The following ZNF562 variants were observed in gnomAD, a reference collection of about 807,000 sequenced individuals.
ZNF562 encodes zinc finger protein 562.
In ZNF562, 13 loss-of-function variants were observed where a neutral mutation model predicts 17.5. The ratio of observed to expected loss-of-function variants is 0.74; its 90% CI spans 0.48 to 1.18. The LOEUF (loss-of-function observed/expected upper bound fraction) is 1.18. ZNF562 is among the 50% of genes most tolerant of loss of function. ZNF562 has a pLI of 0.00. For missense variants in ZNF562, 481 were observed against 498.5 expected, an observed-to-expected ratio of 0.96 and a Z score of 0.33; for synonymous variants, 163 against 165.4, an observed-to-expected ratio of 0.99 and a Z score of 0.11.
At position 9,653,614 on chromosome 19, in the gene ZNF562, A is replaced by G. The variant is rs2074913307; in HGVS notation, c.616T>C (p.Cys206Arg). The change falls in exon 6 of 6, where the codon TGT becomes CGT. Residue 206 changes from cysteine (C) to arginine (R), a missense_variant. By Grantham distance (180) the Cys-to-Arg change is radical (BLOSUM62 -3). Coordinates refer to ENST00000453372, the MANE Select transcript of ZNF562 (RefSeq NM_001130031.2). ...TTAAAGCCTTTTCCACATTCCTTACATTTGTAGGGTTGTCTTCCATTGAGA... is the reference window on the plus strand; with the variant it reads ...TTAAAGCCTTTTCCACATTCCTTACGTTTGTAGGGTTGTCTTCCATTGAGA... ...EILNGRQPYKCKECGKGFKYF... is the reference protein window; with the variant it reads ...EILNGRQPYKRKECGKGFKYF... The G allele has an allele frequency of 3.7e-6, 6 of 1,614,088 alleles. No homozygotes were observed. The highest frequency in any genetic ancestry group is 3.4e-6 in the Non-Finnish European group (4 of 1,179,970).
chr19:9,654,414 C>T (rs1456446231), intron 5 of ZNF562, among the ~76,000 whole-genome samples: 1 of 152,104 alleles, frequency 6.6e-6, no homozygotes, highest in Non-Finnish European at 1.5e-5. Context: ...TAGCTAAAAG[C>T]TGTGTAGCTA....
At position 9,652,904 on chromosome 19, in the gene ZNF562, A is replaced by T; in HGVS notation, c.*45T>A. 2.7e-6 allele frequency: 4 copies of T among 1,460,524 alleles called. No individual in the cohort carries two copies. The highest frequency in any genetic ancestry group is 3.6e-6 in the Non-Finnish European group (4 of 1,103,172). The allele number at this position is 1,460,524 out of a possible 1,614,324, so 90.5% of individuals were successfully genotyped here. On this transcript the variant is annotated 3_prime_UTR_variant, in exon 6 of 6. Transcript: ENST00000453372. ...AGGTTTCTCTCTGGTAGGAGTTCAC[A>T]GGTGGGGTGAGGAATACAGAAATTC...
chr19:9,653,669 T>G lies in ZNF562; in HGVS notation c.561A>C (p.Leu187Phe). The G allele has an allele frequency of 1.2e-6, 2 of 1,614,106 alleles. No individual in the cohort carries two copies. The highest frequency in any genetic ancestry group is 1.7e-6 in the Non-Finnish European group (2 of 1,179,956). Residue 187 changes from leucine to phenylalanine, a missense_variant, in exon 6 of 6, where the codon TTA becomes TTC. Physicochemically the swap from Leu to Phe is conservative, Grantham distance 22. Around this residue, in one of 2 missense-constraint regions of ZNF562, gnomAD observed 403 missense variants for 386.4 expected, o/e 1.04. Transcript: ENST00000453372. ...KFNPCGKVFTLTPGLAVHLEI... is the reference protein window; with the variant it reads ...KFNPCGKVFTFTPGLAVHLEI... ...CAAGATGCACAGCAAGGCCTGGAGT[T>G]AAGGTGAAGACTTTTCCACATGGAT... is the stretch of plus-strand genomic sequence containing the variant.
intron 1 of ZNF562, among the ~76,000 whole-genome samples, chr19:9,672,146 A>C (rs901874731): frequency 2.6e-5 from 4 of 152,224 alleles, no homozygotes; most frequent in Non-Finnish European, 5.9e-5. Flanking sequence ...AATAACTGTT[A>C]TAGGCAAAAA....
rs1311757831 is a variant in ZNF562 at position 9,653,152 on chromosome 19, C to A, written c.1078G>T (p.Ala360Ser). 1 of 1,612,732 alleles carries A rather than the reference C, an allele frequency of 6.2e-7. No individual in the cohort carries two copies. The highest frequency in any genetic ancestry group is 2.2e-5 in the East Asian group (1 of 44,866). ...GQAFTQYTGL[A>S]IHIRNHTGEK... ...CCAGTGTGATTTCGTATGTGTATAG[C>A]AAGGCCCGTGTACTGAGTGAAGGCT... The change falls in exon 6 of 6, where the codon GCT (alanine) becomes TCT (serine). Residue 360 changes from alanine to serine, a missense_variant. Coordinates refer to ENST00000453372, the MANE Select transcript of ZNF562 (RefSeq NM_001130031.2).
chr19:9,664,231 G>A (rs1349503748), intron 1 of ZNF562, among the ~76,000 whole-genome samples: 2 of 152,140 alleles, frequency 1.3e-5, no homozygotes, highest in African/African-American at 4.8e-5. Context: ...ACCACACCTG[G>A]CTAATTTTTG....
At position 9,642,779 on chromosome 19, in the gene ZNF562, G is replaced by A. The variant is rs1297008944; in HGVS notation, c.*10170C>T. On this transcript the variant is annotated 3_prime_UTR_variant, in exon 6 of 6. Transcript: ENST00000453372. ...ACAGTGGCTCAACCCTGTCATCCTA[G>A]CATTTTGGGAGGCTGATGCAGAAGG... The A allele has an allele frequency of 6.6e-6, 1 of 151,492 alleles. No homozygotes were observed. Among genetic ancestry groups the A allele is most frequent in the Admixed American group, 6.6e-5 (1 of 15,174 alleles). The allele number at this position is 151,492 out of a possible 1,614,324, so 9.4% of individuals were successfully genotyped here.
At chr19:9,657,885 T>C in intron 4 of ZNF562, 124 bp downstream of exon 4, 2 of 1,295,868 alleles carry the variant, frequency 1.5e-6, no homozygotes, top group South Asian at 3.9e-5. Flanking sequence ...GAGATGAGGT[T>C]TCACAATGTT....
chr19:9,669,656 C>T (rs1439874353), intron 1 of ZNF562, among the ~76,000 whole-genome samples: 3 of 151,134 alleles, frequency 2.0e-5, no homozygotes, highest in South Asian at 2.1e-4. Context: ...CCTGTCTGTA[C>T]ACACATGCAC....
rs148521320 is a variant in ZNF562, at chr19:9,669,754, A to G, written c.-131+5261T>C. On this transcript the variant is annotated intron_variant, in intron 1 of 5. Coordinates refer to ENST00000453372, the MANE Select transcript of ZNF562 (RefSeq NM_001130031.2). ...CGCGCGCACACACACACACACACAC[A>G]CACACACACACACACACACACAACC... Among the ~76,000 whole-genome samples the G allele has an allele frequency of 4.0e-4, 60 of 149,614 alleles. 1 individual carries two copies. In the East Asian group the frequency reaches 5.8e-3, roughly 15 times the overall value.
rs2043375329 is a variant in ZNF562, at chr19:9,654,227, G to A, written c.349-346C>T. 4.6e-5 allele frequency among the ~76,000 whole-genome samples: 7 copies of A among 152,126 alleles called. No homozygotes were observed. The South Asian group carries it at 1.5e-3, about 32-fold the overall frequency. On this transcript the variant is annotated intron_variant, in intron 5 of 5. Coordinates refer to ENST00000453372, the MANE Select transcript of ZNF562 (RefSeq NM_001130031.2). The stretch of plus-strand genomic sequence containing the variant: ...GCTGGTCTCAAACTCCTGAGTTCAG[G>A]TGAACTGCCTGTCTTGGCCTCCCAA...
chr19:9,661,625 C>T (rs752194325), intron 1 of ZNF562, among the ~76,000 whole-genome samples: 1 of 152,122 alleles, frequency 6.6e-6, no homozygotes, highest in Non-Finnish European at 1.5e-5. Context: ...GAAACCCTGT[C>T]TCTACTAAAA....
chr19:9,661,952 A>AG (rs2043762226), intron 1 of ZNF562, among the ~76,000 whole-genome samples: 1 of 152,004 alleles, frequency 6.6e-6, no homozygotes, highest in African/African-American at 2.4e-5. Flanking sequence ...AGTAGAAACA[A>AG]GGTTTCACCA....
Position 9,656,111 on chromosome 19 carries a change from C to T in ZNF562, c.348+436G>A, listed in dbSNP as rs146715665. Among the ~76,000 whole-genome samples the T allele has an allele frequency of 5.1e-4, 77 of 152,240 alleles. 1 individual carries two copies. Among genetic ancestry groups the T allele is most frequent in the African/African-American group, 1.8e-3 (73 of 41,550 alleles). On this transcript the variant is annotated intron_variant, in intron 5 of 5. Coordinates refer to ENST00000453372, the MANE Select transcript of ZNF562 (RefSeq NM_001130031.2). Reference sequence around the variant, plus strand: ...CTCCTGGGCTCAAATGATGATCCCACCTCAGCCTCCTAAGTAGCTGGGATT... The same window carrying T: ...CTCCTGGGCTCAAATGATGATCCCATCTCAGCCTCCTAAGTAGCTGGGATT...
In ZNF562 at chr19:9,653,724, G is replaced by T. The variant is rs1331302253; in HGVS notation, c.506C>A (p.Ala169Asp). The T allele has an allele frequency of 5.0e-6, 8 of 1,614,034 alleles. No individual in the cohort carries two copies. The highest frequency in any genetic ancestry group is 1.7e-5 in the Admixed American group (1 of 60,010). The change falls in exon 6 of 6, where the codon GCC becomes GAC. Residue 169 changes from alanine (A) to aspartate (D), a missense_variant. Ala to Asp is a moderately radical substitution (Grantham distance 126, BLOSUM62 -2). Transcript: ENST00000453372. ...GKDSISVHKE[A>D]SIGQELSKFN... ...TTTGGAAAGTTCTTGTCCAATAGAG[G>T]CTTCCTTGTGCACACTGATGCTGTC...
chr19:9,650,252 T>TG lies in ZNF562; in HGVS notation c.*2696dup, dbSNP rs2074848308. 6.6e-6 allele frequency: 1 copy of TG among 152,036 alleles called. No individual in the cohort carries two copies. The highest frequency in any genetic ancestry group is 2.1e-4 in the South Asian group (1 of 4,822). 9.4% of individuals were successfully genotyped at this position (152,036 alleles called of 1,614,324 possible). ...GAGAGCTTCATCATCATACGAATTT[T>TG]GGGGGTCATTGTTCAGTCCAAAGTA... is the stretch of plus-strand genomic sequence containing the variant. On this transcript the variant is annotated 3_prime_UTR_variant, in exon 6 of 6. Coordinates refer to ENST00000453372, the MANE Select transcript of ZNF562 (RefSeq NM_001130031.2).
chr19:9,652,908 G>C lies in ZNF562; in HGVS notation c.*41C>G. 2.7e-6 allele frequency: 4 copies of C among 1,462,508 alleles called. No individual in the cohort carries two copies. Among genetic ancestry groups the C allele is most frequent in the Non-Finnish European group, 3.6e-6 (4 of 1,104,222 alleles). 90.6% of individuals were successfully genotyped at this position (1,462,508 alleles called of 1,614,324 possible). ...TTCTCTCTGGTAGGAGTTCACAGGT[G>C]GGGTGAGGAATACAGAAATTCTTTC... On this transcript the variant is annotated 3_prime_UTR_variant, in exon 6 of 6. Transcript: ENST00000453372.
intron 1 of ZNF562, among the ~76,000 whole-genome samples, chr19:9,673,690 AC>A (rs1158054547): frequency 6.6e-6 from 1 of 152,210 alleles, no homozygotes; most frequent in Non-Finnish European, 1.5e-5. Context: ...CTTAGTCTAC[AC>A]GCGTTCATAT....
At chr19:9,669,719 C>T (rs771162309) in intron 1 of ZNF562, among the ~76,000 whole-genome samples, 1,154 of 89,854 alleles carry the variant, frequency 0.013, 22 homozygotes, top group African/African-American at 0.044. Context: ...CGCGCGCGAG[C>T]GCGCGCGCGC....
Sources: gnomAD v4.1 joint callset for allele counts (sites outside exome capture counted in the v4.1 genomes callset) on GRCh38, gnomAD v4.1.1 for gene constraint, gnomAD v4.1.1 regional missense constraint, MANE v1.5 for transcripts, NCBI Gene and HGNC (gene_info 2026-07-23, HGNC 2026-07-21) for gene names.